The following RSRP1 variants were observed in gnomAD, a reference collection of about 807,000 sequenced individuals.
RSRP1 encodes arginine/serine-rich protein 1.
In RSRP1, 37 loss-of-function variants were observed where a neutral mutation model predicts 33.0. That is an observed-to-expected ratio of 1.12 (90% CI 0.86 to 1.48). The LOEUF is 1.48. Ranked by LOEUF, RSRP1 falls within the 40% of genes most tolerant of loss-of-function variation. The pLI is 0.00. For synonymous variants in RSRP1, 167 were observed against 158.7 expected (o/e 1.05, Z -0.40); for missense variants, 402 against 385.3 (o/e 1.04, Z -0.36).
rs752558402 is a variant in RSRP1, at chr1:25,301,619, T to G, written c.-67+36359A>C. 7 of 1,380,274 alleles carry G rather than the reference T, an allele frequency of 5.1e-6. 2 individuals are homozygous for G. In the Admixed American group the frequency reaches 1.2e-4, roughly 24 times the overall value. 85.5% of individuals were successfully genotyped at this position (1,380,274 alleles called of 1,614,324 possible). ...GCCGTGTTCAACACCTACTATGCTGTAGCAGTCAGCGTGGTGACAGCCATC... is the reference window on the plus strand; with the variant it reads ...GCCGTGTTCAACACCTACTATGCTGGAGCAGTCAGCGTGGTGACAGCCATC... On this transcript the variant is annotated intron_variant, in intron 1 of 1. Transcript: ENST00000561867.
chr1:25,283,732 T>A (rs1390203368), intron 1 of RSRP1, among the ~76,000 whole-genome samples: 1 of 133,996 alleles, frequency 7.5e-6, no homozygotes, highest in Admixed American at 7.2e-5. Context: ...TAGGCTGTTA[T>A]AAAGCTCAGA....
intron 1 of RSRP1, among the ~76,000 whole-genome samples, chr1:25,255,778 T>C (rs1423490196): frequency 6.6e-6 from 1 of 152,154 alleles, no homozygotes; most frequent in African/African-American, 2.4e-5. Flanking sequence ...CACTAGATTG[T>C]CATAAGGAGT....
chr1:25,319,718 A>C (rs1266093448), intron 1 of RSRP1, among the ~76,000 whole-genome samples: 1 of 132,258 alleles, frequency 7.6e-6, no homozygotes. Context: ...TTGTTAATTG[A>C]GCCCTCTATG....
At chr1:25,332,919 C>T (rs1645036404) in intron 1 of RSRP1, among the ~76,000 whole-genome samples, 1 of 131,418 alleles carries the variant, frequency 7.6e-6, no homozygotes, top group Non-Finnish European at 1.8e-5. Flanking sequence ...AGCTGGAGAC[C>T]CAGGGATACT....
In RSRP1 at chr1:25,245,733, ATTATT is replaced by A. The variant is rs545430429; in HGVS notation, c.521-437_521-433del. Among the ~76,000 whole-genome samples the A allele has an allele frequency of 2.5e-3, 387 of 152,212 alleles. 1 individual carries two copies. The highest frequency in any genetic ancestry group is 7.6e-3 in the African/African-American group (314 of 41,528). ...TCTTGACTAAAGGCCTGAGCGTCCT[ATTATT>A]TTGTCTTTTTGTTGTACTTAATTTT... On this transcript the variant is annotated intron_variant, in intron 2 of 4. Coordinates refer to ENST00000243189, the MANE Select transcript of RSRP1 (RefSeq NM_020317.5).
At position 25,247,021 on chromosome 1, in the gene RSRP1, C is replaced by G; in HGVS notation, c.-58G>C. 1 of 1,448,134 alleles carries G rather than the reference C, an allele frequency of 6.9e-7. No individual in the cohort carries two copies. The allele number at this position is 1,448,134 out of a possible 1,614,324, so 89.7% of individuals were successfully genotyped here. A position where few individuals can be genotyped will look rare whatever the true frequency, so the allele number is the denominator to read the frequency against. On this transcript the variant is annotated 5_prime_UTR_variant, in exon 2 of 5. Coordinates refer to ENST00000243189, the MANE Select transcript of RSRP1 (RefSeq NM_020317.5). ...GGAAAGGATCCCGCAAGCCTCAACT[C>G]AGGACTTCCTAAAAAACCAAGAGAG...
intron 1 of RSRP1, among the ~76,000 whole-genome samples, chr1:25,285,203 C>T (rs1291426626): frequency 7.6e-6 from 1 of 130,956 alleles, no homozygotes; most frequent in Non-Finnish European, 1.8e-5. Flanking sequence ...GGCGCTATCT[C>T]GGCACACCAC....
rs778450848 is a variant in RSRP1 at position 25,244,199 on chromosome 1, T to G, written c.673-566A>C. ...AACTTATCTGCAAGTGAAGCAGGCCTCCTCTTCTGTAATCTCTCAAAACAT... is the reference window on the plus strand; with the variant it reads ...AACTTATCTGCAAGTGAAGCAGGCCGCCTCTTCTGTAATCTCTCAAAACAT... On this transcript the variant is annotated intron_variant, in intron 3 of 4. Coordinates refer to ENST00000243189, the MANE Select transcript of RSRP1 (RefSeq NM_020317.5). The G allele has an allele frequency of 2.1e-5, 27 of 1,289,066 alleles. No homozygotes were observed. The Middle Eastern group carries it at 1.1e-3, about 51-fold the overall frequency. The allele number at this position is 1,289,066 out of a possible 1,614,324, so 79.9% of individuals were successfully genotyped here. A position where few individuals can be genotyped will look rare whatever the true frequency, so the allele number is the denominator to read the frequency against.
chr1:25,250,786 G>A (rs1180659121), upstream of RSRP1, among the ~76,000 whole-genome samples: 2 of 152,144 alleles, frequency 1.3e-5, no homozygotes, highest in Non-Finnish European at 2.9e-5. Context: ...CAAGGCAGGC[G>A]GATCACCAGG....
chr1:25,246,393 T>C (rs1196440140), intron 2 of RSRP1, 51 bp downstream of exon 2: 4 of 1,588,298 alleles, frequency 2.5e-6, no homozygotes, highest in Non-Finnish European at 3.4e-6. Flanking sequence ...AGCCTACTCA[T>C]ATACTGCCAC....
chr1:25,256,602 C>T (rs1639956772), intron 1 of RSRP1, among the ~76,000 whole-genome samples: 1 of 152,112 alleles, frequency 6.6e-6, no homozygotes, highest in African/African-American at 2.4e-5. Flanking sequence ...GTACTACAGG[C>T]ACACACCACC....
rs1466926000 is a variant in RSRP1, at chr1:25,246,986, C to A, written c.-23G>T. 3.9e-6 allele frequency: 6 copies of A among 1,533,296 alleles called. No homozygotes were observed. The highest frequency in any genetic ancestry group is 5.3e-6 in the Non-Finnish European group (6 of 1,138,400). The allele number at this position is 1,533,296 out of a possible 1,614,324, so 95.0% of individuals were successfully genotyped here. On this transcript the variant is annotated 5_prime_UTR_variant, in exon 2 of 5. Coordinates refer to ENST00000243189, the MANE Select transcript of RSRP1 (RefSeq NM_020317.5). ...CATCTTCACCTGCGGCTTTAGCCTG[C>A]GCTTTCTCCGGAAAGGATCCCGCAA... is the stretch of plus-strand genomic sequence containing the variant.
rs945740372 is a variant in RSRP1, at chr1:25,292,122, T to C, written c.-66-45093A>G. 2.3e-5 allele frequency among the ~76,000 whole-genome samples: 3 copies of C among 132,038 alleles called. 1 individual carries two copies. The highest frequency in any genetic ancestry group is 7.7e-5 in the African/African-American group (3 of 38,738). The allele number at this position is 132,038 out of a possible 152,430, so 86.6% of individuals were successfully genotyped here. ...ATATGAGGGTAGCAGTACTACCACA[T>C]AGGGTTTTGAGGGAGTAATTGAATT... is the stretch of plus-strand genomic sequence containing the variant. On this transcript the variant is annotated intron_variant, in intron 1 of 1. Transcript: ENST00000561867.
At chr1:25,256,558 G>A (rs184722361) in intron 1 of RSRP1, among the ~76,000 whole-genome samples, 1 of 152,230 alleles carries the variant, frequency 6.6e-6, no homozygotes, top group Non-Finnish European at 1.5e-5. Context: ...CCAGGCTCAG[G>A]TGATCCTCCT....
chr1:25,302,509 A>G lies in RSRP1; in HGVS notation c.-67+35469T>C, dbSNP rs1474531082. On this transcript the variant is annotated intron_variant, in intron 1 of 1. Transcript: ENST00000561867. ...TGGTGACAGAAAGTCTAAGACACCC[A>G]GCAAGGCAGGAGTGGGTGTCAACTC... Among the ~76,000 whole-genome samples, 2 of 130,052 alleles carry G rather than the reference A, an allele frequency of 1.5e-5. 1 individual carries two copies. Among genetic ancestry groups the G allele is most frequent in the African/African-American group, 5.3e-5 (2 of 37,608 alleles). 85.3% of individuals were successfully genotyped at this position (130,052 alleles called of 152,430 possible).
Position 25,319,394 on chromosome 1 carries a change from T to C in RSRP1, c.-67+18584A>G, listed in dbSNP as rs191843210. The stretch of plus-strand genomic sequence containing the variant: ...ACCTTGGGAAGCTGAGGTGGGAGAA[T>C]AGCTTGAGGCCAGGAGTTCAAGCCA... On this transcript the variant is annotated intron_variant, in intron 1 of 1. Coordinates refer to the RSRP1 transcript ENST00000561867. Among the ~76,000 whole-genome samples, 6 of 132,064 alleles carry C rather than the reference T, an allele frequency of 4.5e-5. No homozygotes were observed. In the East Asian group the frequency reaches 9.8e-4, roughly 22 times the overall value. The allele number at this position is 132,064 out of a possible 152,430, so 86.6% of individuals were successfully genotyped here.
intron 1 of RSRP1, chr1:25,304,511 T>C (rs1189860019): frequency 7.8e-6 from 1 of 128,428 alleles, no homozygotes; most frequent in African/African-American, 2.7e-5. Flanking sequence ...GACACGAGAA[T>C]CACTTGAACC....
chr1:25,259,506 T>C (rs955946792), intron 1 of RSRP1, among the ~76,000 whole-genome samples: 3 of 151,944 alleles, frequency 2.0e-5, no homozygotes, highest in African/African-American at 7.3e-5. Flanking sequence ...CTTCAGATTT[T>C]TATACTTTTT....
At chr1:25,287,525 G>A (rs1408238269) in intron 1 of RSRP1, among the ~76,000 whole-genome samples, 3 of 134,586 alleles carry the variant, frequency 2.2e-5, no homozygotes, top group East Asian at 1.9e-4. Context: ...CCCTGGGGAC[G>A]GGGTACTCTC....
Sources: allele counts gnomAD v4.1 joint callset (sites outside exome capture counted in the v4.1 genomes callset), GRCh38; gene constraint gnomAD v4.1.1; transcripts MANE v1.5; gene names NCBI Gene and HGNC (gene_info 2026-07-23, HGNC 2026-07-21).